Variants in AP3B1 observed in about 807,000 individuals in gnomAD.
AP3B1 encodes the protein AP-3 complex subunit beta-1.
A neutral mutation model predicts 132.5 loss-of-function variants in AP3B1; 61 were observed. The observed-to-expected ratio is 0.46, with a 90% CI of 0.37 to 0.57. The LOEUF is 0.57. Among genes scored for constraint, AP3B1 ranks in the 20% least tolerant of loss-of-function variants. The pLI is 0.00. For missense variants in AP3B1, 1,120 were observed against 1,289.4 expected (o/e 0.87, Z 2.01); for synonymous variants, 388 against 438.3 (o/e 0.89, Z 1.43).
intron 24 of AP3B1, among the ~76,000 whole-genome samples, chr5:78,033,735 G>A (rs1747676982): frequency 6.6e-6 from 1 of 151,914 alleles, no homozygotes; most frequent in South Asian, 2.1e-4. Context: ...AATTTCACAA[G>A]AAATGTATAA....
intron 24 of AP3B1, among the ~76,000 whole-genome samples, chr5:78,024,556 ATTTAAT>A (rs1240706188): frequency 1.5e-5 from 2 of 131,304 alleles, no homozygotes; most frequent in Non-Finnish European, 3.3e-5. Flanking sequence ...TGCCTAGCTA[ATTTAAT>A]TTTTTTTTTT....
At chr5:78,210,947 C>G (rs1745709112) in intron 7 of AP3B1, among the ~76,000 whole-genome samples, 1 of 151,966 alleles carries the variant, frequency 6.6e-6, no homozygotes, top group Admixed American at 6.6e-5. Flanking sequence ...AATACTTAAA[C>G]AATTTTATAT....
intron 23 of AP3B1, among the ~76,000 whole-genome samples, chr5:78,038,204 AT>A (rs1028214844): frequency 6.6e-6 from 1 of 152,198 alleles, no homozygotes; most frequent in African/African-American, 2.4e-5. Flanking sequence ...GAGATTTCTC[AT>A]TTTTTAAAAT....
rs1162377567 is a variant in AP3B1, at chr5:78,094,001, G to T, written c.2471-4502C>A. On this transcript the variant is annotated intron_variant, in intron 21 of 26. Coordinates refer to ENST00000255194, the MANE Select transcript of AP3B1 (RefSeq NM_003664.5). ...TTGACCAAAATTCACTCAACAATGT[G>T]ATATCACATATCATAAGGCTTATTT... 2.6e-5 allele frequency among the ~76,000 whole-genome samples: 4 copies of T among 152,176 alleles called. No homozygotes were observed. In the South Asian group the frequency reaches 8.3e-4, roughly 32 times the overall value.
At chr5:78,171,206 T>C (rs1298323775) in intron 11 of AP3B1, among the ~76,000 whole-genome samples, 1 of 152,232 alleles carries the variant, frequency 6.6e-6, no homozygotes, top group Non-Finnish European at 1.5e-5. Flanking sequence ...AGGATTGTCT[T>C]GGCAATGTGA....
At chr5:78,207,565 T>A (rs1246006057) in intron 7 of AP3B1, among the ~76,000 whole-genome samples, 2 of 151,996 alleles carry the variant, frequency 1.3e-5, no homozygotes, top group Admixed American at 6.5e-5. Context: ...AATGTAAACA[T>A]CGAATTTTTA....
At chr5:78,181,471 A>G (rs1399886900) in intron 8 of AP3B1, 36 bp downstream of exon 8, 1 of 1,598,288 alleles carries the variant, frequency 6.3e-7, no homozygotes, top group Admixed American at 1.7e-5. Context: ...TTTTTTAAAA[A>G]CCAGTGAATT....
chr5:78,037,595 C>T (rs552506235), intron 23 of AP3B1, among the ~76,000 whole-genome samples: 6 of 152,010 alleles, frequency 3.9e-5, no homozygotes, highest in Middle Eastern at 3.4e-3. Flanking sequence ...CTTTCTTTAC[C>T]GAAAGATTCA....
chr5:78,267,723 G>T, intron 1 of AP3B1, 128 bp from the exon 2 acceptor site: 1 of 566,894 alleles, frequency 1.8e-6, no homozygotes, highest in Non-Finnish European at 3.0e-6. Flanking sequence ...CAAGAAGGTG[G>T]CCATCTGCAG....
At chr5:78,080,776 A>C (rs1749965356) in intron 22 of AP3B1, among the ~76,000 whole-genome samples, 1 of 152,172 alleles carries the variant, frequency 6.6e-6, no homozygotes, top group Non-Finnish European at 1.5e-5. Flanking sequence ...AATTGTAATA[A>C]GCACACATAT....
At chr5:78,179,640 G>A (rs1245594450) in intron 8 of AP3B1, among the ~76,000 whole-genome samples, 1 of 152,024 alleles carries the variant, frequency 6.6e-6, no homozygotes, top group Non-Finnish European at 1.5e-5. Context: ...CATTCATGCC[G>A]CTGTCACCTT....
chr5:78,123,352 G>C (rs911422746), intron 17 of AP3B1, among the ~76,000 whole-genome samples: 1,953 of 152,080 alleles, frequency 0.013, 45 homozygotes, highest in African/African-American at 0.044. Context: ...CAAATGGGAC[G>C]TAATTAAACT....
intron 8 of AP3B1, among the ~76,000 whole-genome samples, chr5:78,179,061 C>G (rs950001187): frequency 7.9e-5 from 12 of 152,176 alleles, no homozygotes; most frequent in African/African-American, 2.9e-4. Flanking sequence ...CACTTGTGAA[C>G]TGCAAATATA....
chr5:78,166,926 C>T (rs992892621), intron 11 of AP3B1, among the ~76,000 whole-genome samples: 12 of 152,134 alleles, frequency 7.9e-5, no homozygotes, highest in South Asian at 2.1e-4. Context: ...CCCTTCTAGA[C>T]GCTGGCTTAG....
At chr5:78,003,101 T>A in intron 26 of AP3B1, 46 bp from the exon 27 acceptor site, 1 of 1,590,444 alleles carries the variant, frequency 6.3e-7, no homozygotes. Context: ...ATGGGGAGGG[T>A]AAAGGAGATA....
At chr5:78,150,601 C>A (rs138649909) in intron 14 of AP3B1, among the ~76,000 whole-genome samples, 1 of 152,126 alleles carries the variant, frequency 6.6e-6, no homozygotes, top group South Asian at 2.1e-4. Flanking sequence ...TGCCAGCCAG[C>A]GTTCCAAGGG....
chr5:78,081,970 T>A (rs1325175999), intron 22 of AP3B1, among the ~76,000 whole-genome samples: 1 of 152,182 alleles, frequency 6.6e-6, no homozygotes, highest in Admixed American at 6.5e-5. Context: ...TTCTGCCTGA[T>A]TTAGATATGC....
intron 22 of AP3B1, among the ~76,000 whole-genome samples, chr5:78,064,054 A>G (rs1368844338): frequency 2.0e-5 from 3 of 151,638 alleles, no homozygotes; most frequent in African/African-American, 7.3e-5. Flanking sequence ...ATCAATTACA[A>G]TTCAGGTAAA....
At chr5:78,014,612 C>T (rs986571784) in intron 26 of AP3B1, among the ~76,000 whole-genome samples, 1 of 151,938 alleles carries the variant, frequency 6.6e-6, no homozygotes, top group Non-Finnish European at 1.5e-5. Context: ...AATTTGTTTT[C>T]TATGATTGAT....
Sources: gnomAD v4.1 joint callset for allele counts (sites outside exome capture counted in the v4.1 genomes callset) on GRCh38, gnomAD v4.1.1 for gene constraint, MANE v1.5 for transcripts, NCBI Gene and HGNC (gene_info 2026-07-23, HGNC 2026-07-21) for gene names.